ENTHD1: variants seen among roughly 807,000 people sequenced by gnomAD.
The protein encoded by ENTHD1 is ENTH domain-containing protein 1.
A neutral mutation model predicts 39.1 loss-of-function variants in ENTHD1; 23 were observed. That is an observed-to-expected ratio of 0.59 (90% CI 0.42 to 0.83). The LOEUF is 0.83. Among genes scored for constraint, ENTHD1 ranks in the 40% least tolerant of loss-of-function variants. ENTHD1 has a pLI of 0.00. For synonymous variants in ENTHD1, 230 were observed against 258.2 expected (o/e 0.89, Z 1.05); for missense variants, 624 against 705.4 (o/e 0.88, Z 1.31).
intron 4 of ENTHD1, among the ~76,000 whole-genome samples, chr22:39,834,055 G>A (rs941259263): frequency 6.6e-6 from 1 of 151,734 alleles, no homozygotes; most frequent in East Asian, 1.9e-4. Flanking sequence ...GACACTTTTA[G>A]GAGAAAACCT....
At chr22:39,839,504 G>A (rs575570641) in intron 3 of ENTHD1, among the ~76,000 whole-genome samples, 2 of 152,216 alleles carry the variant, frequency 1.3e-5, no homozygotes, top group African/African-American at 4.8e-5. Context: ...GTGGGCAAAG[G>A]GAGAAAGTAT....
chr22:39,759,514 T>A (rs1225014267), intron 6 of ENTHD1, among the ~76,000 whole-genome samples: 1 of 152,120 alleles, frequency 6.6e-6, no homozygotes, highest in African/African-American at 2.4e-5. Context: ...TGATCAGTCT[T>A]AATAGGGATT....
intron 5 of ENTHD1, among the ~76,000 whole-genome samples, chr22:39,766,019 CAAAAAAAAAA>C (rs11367784): frequency 3.1e-4 from 15 of 48,340 alleles, no homozygotes; most frequent in Admixed American, 1.4e-3. Context: ...CCCTCAGCTA[CAAAAAAAAAA>C]AAAAAAAAAA....
In ENTHD1 at chr22:39,791,653, C is replaced by A. The variant is rs566331233; in HGVS notation, c.833-26044G>T. 7.9e-5 allele frequency among the ~76,000 whole-genome samples: 12 copies of A among 152,260 alleles called. 1 individual carries two copies. In the South Asian group the frequency reaches 2.1e-3, roughly 26 times the overall value. ...GCTCAGGTAATCTGCCTGCCTCAGC[C>A]TCCCAAAGTGCTGGGATTACAGGCA... On this transcript the variant is annotated intron_variant, in intron 5 of 6. Coordinates refer to ENST00000325157, the MANE Select transcript of ENTHD1 (RefSeq NM_152512.4).
chr22:39,881,513 A>G (rs2066338206), intron 2 of ENTHD1, among the ~76,000 whole-genome samples: 1 of 152,216 alleles, frequency 6.6e-6, no homozygotes, highest in Middle Eastern at 3.2e-3. Context: ...TGTTTTTCCT[A>G]CTAGTATAAC....
At chr22:39,843,175 G>T (rs1032402028) in intron 3 of ENTHD1, among the ~76,000 whole-genome samples, 8 of 152,140 alleles carry the variant, frequency 5.3e-5, no homozygotes, top group African/African-American at 1.9e-4. Flanking sequence ...GTTTACTGCG[G>T]CACTATTCAC....
intron 4 of ENTHD1, among the ~76,000 whole-genome samples, chr22:39,834,086 A>G (rs2065891129): frequency 6.6e-6 from 1 of 152,128 alleles, no homozygotes; most frequent in African/African-American, 2.4e-5. Context: ...GTTTAGGCAA[A>G]GAGTTCTTAG....
intron 3 of ENTHD1, among the ~76,000 whole-genome samples, chr22:39,856,959 C>T (rs140909719): frequency 2.0e-5 from 3 of 151,984 alleles, no homozygotes; most frequent in Admixed American, 2.0e-4. Flanking sequence ...ACTTAACAGG[C>T]TTAGAACAAT....
chr22:39,803,127 C>T (rs776909159), intron 5 of ENTHD1, among the ~76,000 whole-genome samples: 2 of 152,096 alleles, frequency 1.3e-5, no homozygotes, highest in Non-Finnish European at 2.9e-5. Flanking sequence ...TCTAAATCTC[C>T]CCACAAGACT....
intron 6 of ENTHD1, among the ~76,000 whole-genome samples, chr22:39,762,438 A>C (rs1031386266): frequency 4.0e-5 from 6 of 149,896 alleles, no homozygotes; most frequent in African/African-American, 1.2e-4. Context: ...TTGACACAGG[A>C]TCTCACTGTG....
At chr22:39,781,401 G>C (rs1387790096) in intron 5 of ENTHD1, among the ~76,000 whole-genome samples, 1 of 152,016 alleles carries the variant, frequency 6.6e-6, no homozygotes. Context: ...GACATGCTCC[G>C]GAACAACCAA....
chr22:39,859,367 C>G (rs1390712494), intron 3 of ENTHD1, among the ~76,000 whole-genome samples: 1 of 152,180 alleles, frequency 6.6e-6, no homozygotes, highest in Non-Finnish European at 1.5e-5. Context: ...ACATTCATAA[C>G]TTAGCTAACT....
intron 3 of ENTHD1, among the ~76,000 whole-genome samples, chr22:39,844,873 A>C (rs955158076): frequency 3.9e-5 from 6 of 152,228 alleles, no homozygotes; most frequent in African/African-American, 1.4e-4. Context: ...TTCAATGGGC[A>C]TGAAAGCTAC....
At chr22:39,800,013 G>A (rs185903732) in intron 5 of ENTHD1, among the ~76,000 whole-genome samples, 36 of 152,320 alleles carry the variant, frequency 2.4e-4, no homozygotes, top group African/African-American at 8.4e-4. Context: ...GGGAATATGT[G>A]GGAGCCAGCA....
chr22:39,878,361 A>C (rs1372331811), intron 2 of ENTHD1, among the ~76,000 whole-genome samples: 1 of 152,226 alleles, frequency 6.6e-6, no homozygotes, highest in Non-Finnish European at 1.5e-5. Context: ...GGAAATTAAC[A>C]AAGAAGAGAG....
Position 39,765,255 on chromosome 22 carries a change from A to G in ENTHD1, c.1187T>C (p.Met396Thr). The change falls in exon 6 of 7, where the codon ATG becomes ACG. Residue 396 changes from methionine (M) to threonine (T), a missense_variant. Physicochemically the swap from Met to Thr is moderately conservative, Grantham distance 81. Transcript: ENST00000325157. ...YQKPAQSSIQ[M>T]DDKILKTTTR... ...GGTTGTCTTGAGGATTTTATCATCC[A>G]TCTGAATGCTGGATTGTGCTGGTTT... The G allele has an allele frequency of 6.2e-7, 1 of 1,612,368 alleles. No homozygotes were observed. The highest frequency in any genetic ancestry group is 8.5e-7 in the Non-Finnish European group (1 of 1,179,404).
chr22:39,743,756 T>A lies in ENTHD1; in HGVS notation c.1747A>T (p.Met583Leu). Residue 583 changes from methionine (M) to leucine (L), a missense_variant, in exon 7 of 7, where the codon ATG becomes TTG. Transcript: ENST00000325157. Reference protein sequence around the residue: ...LNVINNILMSMSLNSSQISQS... With the variant: ...LNVINNILMSLSLNSSQISQS... ...CTTATTTGTGAACTATTCAGACTCA[T>A]GCTCATCAAGATGTTATTGATGACA... 1 of 1,614,180 alleles carries A rather than the reference T, an allele frequency of 6.2e-7. No individual in the cohort carries two copies. The highest frequency in any genetic ancestry group is 8.5e-7 in the Non-Finnish European group (1 of 1,180,008).
chr22:39,813,667 C>T (rs750605653), intron 5 of ENTHD1, among the ~76,000 whole-genome samples: 7 of 152,180 alleles, frequency 4.6e-5, no homozygotes, highest in Admixed American at 1.3e-4. Flanking sequence ...AGGAAGTCCA[C>T]GATCACACTT....
Position 39,766,594 on chromosome 22 carries a change from G to A in ENTHD1, c.833-985C>T, listed in dbSNP as rs113019889. Among the ~76,000 whole-genome samples the A allele has an allele frequency of 2.7e-4, 41 of 152,276 alleles. 1 individual carries two copies. Among genetic ancestry groups the A allele is most frequent in the African/African-American group, 9.1e-4 (38 of 41,560 alleles). Reference sequence around the variant, plus strand: ...GGGCCAAAGGAAGAGGCTATCTTTCGAAGCTCCCAAAAGAGGACGCAGAAA... The same window carrying A: ...GGGCCAAAGGAAGAGGCTATCTTTCAAAGCTCCCAAAAGAGGACGCAGAAA... On this transcript the variant is annotated intron_variant, in intron 5 of 6. Transcript: ENST00000325157.
Sources: gnomAD v4.1 joint callset for allele counts (sites outside exome capture counted in the v4.1 genomes callset) on GRCh38, gnomAD v4.1.1 for gene constraint, MANE v1.5 for transcripts, NCBI Gene and HGNC (gene_info 2026-07-23, HGNC 2026-07-21) for gene names.